SMIM45: variants seen among roughly 807,000 people sequenced by gnomAD.
SMIM45 encodes the protein long intergenic non-protein coding RNA 634.
chr22:41,950,358 C>T, the SMIM45 span, among the ~76,000 whole-genome samples: 3 of 152,222 alleles, frequency 2.0e-5, no homozygotes, highest in African/African-American at 7.2e-5. Flanking sequence ...ACTCCTGCCC[C>T]TTTGTGATTC....
chr22:41,958,303 G>A, the SMIM45 span: 2 of 456,700 alleles, frequency 4.4e-6, no homozygotes, highest in Admixed American at 4.7e-5. Context: ...AATGGCACCG[G>A]CCCTGCAACT....
chr22:41,954,710 C>T, the SMIM45 span, among the ~76,000 whole-genome samples: 1 of 152,146 alleles, frequency 6.6e-6, no homozygotes, highest in African/African-American at 2.4e-5. Flanking sequence ...TTGGGCCATT[C>T]TAAAGAGTCT....
At chr22:41,956,020 C>CTT in the SMIM45 span, among the ~76,000 whole-genome samples, 3 of 142,464 alleles carry the variant, frequency 2.1e-5, no homozygotes, top group Admixed American at 7.0e-5. Context: ...TTACCATTCC[C>CTT]TTTTTTTTTT....
At chr22:41,951,680 A>G in the SMIM45 span, among the ~76,000 whole-genome samples, 1 of 152,180 alleles carries the variant, frequency 6.6e-6, no homozygotes, top group Non-Finnish European at 1.5e-5. Flanking sequence ...TAATTGAGTT[A>G]ATATAATCAA....
chr22:41,952,454 G>A, the SMIM45 span: 1 of 152,416 alleles, frequency 6.6e-6, no homozygotes, highest in Non-Finnish European at 1.5e-5. Flanking sequence ...GGCACCGAGT[G>A]GTGCCAATGG....
the SMIM45 span, among the ~76,000 whole-genome samples, chr22:41,954,970 C>T: frequency 2.6e-5 from 4 of 152,086 alleles, no homozygotes; most frequent in Non-Finnish European, 5.9e-5. Context: ...TGCCATTGCA[C>T]TCCAGCCTGG....
At chr22:41,949,624 G>T in the SMIM45 span, among the ~76,000 whole-genome samples, 1 of 152,228 alleles carries the variant, frequency 6.6e-6, no homozygotes, top group Non-Finnish European at 1.5e-5. Flanking sequence ...GAGGGGCCGG[G>T]CTGAGACCCA....
At chr22:41,946,993 G>A in the SMIM45 span, 2 of 1,611,320 alleles carry the variant, frequency 1.2e-6, no homozygotes, top group Non-Finnish European at 1.7e-6. Flanking sequence ...AAAAACCGGC[G>A]GGGGAAGCAG....
the SMIM45 span, among the ~76,000 whole-genome samples, chr22:41,953,204 A>G: frequency 1.3e-5 from 2 of 152,194 alleles, no homozygotes; most frequent in Admixed American, 1.3e-4. Flanking sequence ...ATGCAGGACC[A>G]GGAAACAGCA....
chr22:41,954,202 A>ATTTTTTTTTT, the SMIM45 span, among the ~76,000 whole-genome samples: 1 of 104,530 alleles, frequency 9.6e-6, no homozygotes, highest in African/African-American at 4.1e-5. Flanking sequence ...GGTACTTTGA[A>ATTTTTTTTTT]TTTTTTTTTT....
At chr22:41,956,882 A>G in the SMIM45 span, among the ~76,000 whole-genome samples, 199 of 152,318 alleles carry the variant, frequency 1.3e-3, no homozygotes, top group Non-Finnish European at 2.2e-3. Context: ...TCCACCTCCC[A>G]GGTTCAAACG....
the SMIM45 span, chr22:41,957,736 C>T: frequency 3.3e-5 from 5 of 153,684 alleles, no homozygotes; most frequent in Non-Finnish European, 5.8e-5. Context: ...TCATCTCGGT[C>T]CTCATTCTGG....
chr22:41,956,096 A>C, the SMIM45 span, among the ~76,000 whole-genome samples: 1 of 150,386 alleles, frequency 6.6e-6, no homozygotes, highest in African/African-American at 2.5e-5. Context: ...TGCAGCCTCC[A>C]TCTCCCAGAC....
At chr22:41,947,610 C>G in the SMIM45 span, among the ~76,000 whole-genome samples, 151 of 151,834 alleles carry the variant, frequency 9.9e-4, no homozygotes, top group African/African-American at 3.6e-3. Flanking sequence ...TCAAGTGATC[C>G]CGCCTCGGCC....
the SMIM45 span, chr22:41,947,314 G>A: frequency 1.8e-6 from 1 of 569,822 alleles, no homozygotes. Context: ...ACAGTAAGCA[G>A]GTTTTTAGTG....
the SMIM45 span, among the ~76,000 whole-genome samples, chr22:41,956,144 G>A: frequency 6.6e-6 from 1 of 152,034 alleles, no homozygotes; most frequent in South Asian, 2.1e-4. Flanking sequence ...CGGGTAACTG[G>A]GATTACAGGT....
chr22:41,948,024 C>T, the SMIM45 span, among the ~76,000 whole-genome samples: 1 of 152,136 alleles, frequency 6.6e-6, no homozygotes, highest in Admixed American at 6.6e-5. Flanking sequence ...TTGCTGCAAA[C>T]ACAGCCTGAG....
At chr22:41,949,138 G>A in the SMIM45 span, among the ~76,000 whole-genome samples, 7 of 152,046 alleles carry the variant, frequency 4.6e-5, no homozygotes, top group South Asian at 4.2e-4. Flanking sequence ...CCACCTACTC[G>A]GGAGGCTGAG....
At chr22:41,957,146 C>T in the SMIM45 span, among the ~76,000 whole-genome samples, 1 of 150,232 alleles carries the variant, frequency 6.7e-6, no homozygotes, top group Non-Finnish European at 1.5e-5. Context: ...TCTGTGCTTG[C>T]CCACGAGGCC....
Sources: allele counts gnomAD v4.1 joint callset (sites outside exome capture counted in the v4.1 genomes callset), GRCh38; gene constraint gnomAD v4.1.1; transcripts MANE v1.5; gene names NCBI Gene and HGNC (gene_info 2026-07-23, HGNC 2026-07-21).